The following TCF7 variants were observed in gnomAD, a reference collection of about 807,000 sequenced individuals.
The protein encoded by TCF7 is T-cell-factor-7.
A neutral mutation model predicts 46.8 loss-of-function variants in TCF7; 19 were observed. The ratio of observed to expected loss-of-function variants is 0.41; its 90% CI spans 0.28 to 0.60. The LOEUF (loss-of-function observed/expected upper bound fraction) is 0.60, where lower values mean the gene tolerates loss of function less well. Ranked by LOEUF, TCF7 falls within the 20% of genes least tolerant of loss-of-function variation. TCF7 has a pLI of 0.35. For synonymous variants in TCF7, 245 were observed against 213.4 expected, an observed-to-expected ratio of 1.15 and a Z score of -1.29; for missense variants, 547 against 504.6, an observed-to-expected ratio of 1.08 and a Z score of -0.81.
upstream of TCF7, among the ~76,000 whole-genome samples, chr5:134,112,554 A>T (rs1185025272): frequency 6.6e-6 from 1 of 152,176 alleles, no homozygotes; most frequent in Admixed American, 6.5e-5. Flanking sequence ...CTATGACCCC[A>T]TAGGACAGTT....
upstream of TCF7, among the ~76,000 whole-genome samples, chr5:134,112,439 T>C (rs1755340775): frequency 6.6e-6 from 1 of 152,200 alleles, no homozygotes; most frequent in African/African-American, 2.4e-5. Context: ...TGGCTGTGGA[T>C]GCCTGTGACT....
At chr5:134,144,978 C>A in intron 9 of TCF7, 2 of 955,884 alleles carry the variant, frequency 2.1e-6, no homozygotes, top group Admixed American at 2.0e-5. Context: ...AGCCCACTAG[C>A]ATACTCAGCA....
rs139886836 is a variant in TCF7 at position 134,129,852 on chromosome 5, G to A, written c.442-8207G>A. ...CAGGCGGTGGGTGGACTGGCCACAC[G>A]CACCTAGCAGAGCTCTGTGCAACTG... On this transcript the variant is annotated intron_variant, in intron 3 of 9. Coordinates refer to ENST00000342854, the MANE Select transcript of TCF7 (RefSeq NM_003202.5). Among the ~76,000 whole-genome samples, 272 of 152,336 alleles carry A rather than the reference G, an allele frequency of 1.8e-3. 1 individual carries two copies. The highest frequency in any genetic ancestry group is 6.3e-3 in the African/African-American group (261 of 41,582).
chr5:134,119,422 C>T (rs1271452622), intron 3 of TCF7, among the ~76,000 whole-genome samples: 1 of 152,206 alleles, frequency 6.6e-6, no homozygotes, highest in Non-Finnish European at 1.5e-5. Context: ...GTGGCAGCTG[C>T]ACAATCTTAT....
At position 134,114,811 on chromosome 5, in the gene TCF7, G is replaced by GGAGGTTCGGACTCC; in HGVS notation, c.-94_-81dup. 1.0e-6 allele frequency: 1 copy of GGAGGTTCGGACTCC among 974,748 alleles called. No individual in the cohort carries two copies. The highest frequency in any genetic ancestry group is 1.2e-6 in the Non-Finnish European group (1 of 822,464). 60.4% of individuals were successfully genotyped at this position (974,748 alleles called of 1,614,324 possible). ...GCTCCGCCCGCCGCGATCCGAGCTC[G>GGAGGTTCGGACTCC]GAGGTTCGGACTCCGGGCTCGCCGC... On this transcript the variant is annotated 5_prime_UTR_variant, in exon 1 of 10. Transcript: ENST00000342854.
At chr5:134,120,163 C>T (rs1256508374) in intron 3 of TCF7, among the ~76,000 whole-genome samples, 1 of 152,096 alleles carries the variant, frequency 6.6e-6, no homozygotes, top group African/African-American at 2.4e-5. Flanking sequence ...GAGGGACTGG[C>T]AGGCCCCAGG....
At position 134,115,011 on chromosome 5, in the gene TCF7, C is replaced by G. The variant is rs774162419; in HGVS notation, c.105C>G (p.Asp35Glu). ...AFQDEGEEQD[D>E]KSRDSAAGPE... ...AGGATGAAGGCGAGGAGCAGGACGACAAGAGCCGCGACAGCGCCGCCGGTC... is the reference window on the plus strand; with the variant it reads ...AGGATGAAGGCGAGGAGCAGGACGAGAAGAGCCGCGACAGCGCCGCCGGTC... Residue 35 changes from aspartate (D) to glutamate (E), a missense_variant, in exon 1 of 10, where the codon GAC becomes GAG. Around this residue, in one of 3 missense-constraint regions of TCF7, gnomAD observed 425 missense variants for 349.9 expected, o/e 1.21. Transcript: ENST00000342854. 3.2e-6 allele frequency: 4 copies of G among 1,255,854 alleles called. No homozygotes were observed. The South Asian group carries it at 6.0e-5, about 19-fold the overall frequency. 77.8% of individuals were successfully genotyped at this position (1,255,854 alleles called of 1,614,324 possible).
chr5:134,114,774 G>A lies in TCF7; in HGVS notation c.-133G>A, dbSNP rs1427150734. On this transcript the variant is annotated 5_prime_UTR_variant, in exon 1 of 10. Transcript: ENST00000342854. ...CCCGCGCCTGCAGCCCGCCCAGGCG[G>A]AGTCAGCCCGCGCTCCGCCCGCCGC... The A allele has an allele frequency of 1.1e-6, 1 of 881,648 alleles. No individual in the cohort carries two copies. The highest frequency in any genetic ancestry group is 1.4e-6 in the Non-Finnish European group (1 of 737,082). The allele number at this position is 881,648 out of a possible 1,614,324, so 54.6% of individuals were successfully genotyped here. A position where few individuals can be genotyped will look rare whatever the true frequency, so the allele number is the denominator to read the frequency against.
upstream of TCF7, among the ~76,000 whole-genome samples, chr5:134,110,884 C>T (rs756699): frequency 0.8 from 121,666 of 152,230 alleles, 48,967 homozygotes; most frequent in Non-Finnish European, 0.86. Flanking sequence ...ATTTTCAGCT[C>T]TAGCCATGAT....
chr5:134,133,199 A>G (rs1055925736), intron 3 of TCF7, among the ~76,000 whole-genome samples: 1 of 152,198 alleles, frequency 6.6e-6, no homozygotes, highest in Non-Finnish European at 1.5e-5. Context: ...TTGCTGATCA[A>G]GCAGTTTGGA....
chr5:134,123,629 C>T (rs746601964), intron 3 of TCF7: 1 of 453,466 alleles, frequency 2.2e-6, no homozygotes, highest in Non-Finnish European at 4.4e-6. Flanking sequence ...GACAGAGGCC[C>T]AGGGTCTACG....
intron 3 of TCF7, among the ~76,000 whole-genome samples, chr5:134,131,626 C>G (rs1281638335): frequency 6.6e-6 from 1 of 152,210 alleles, no homozygotes; most frequent in Non-Finnish European, 1.5e-5. Context: ...CACCGGGATT[C>G]TAGAGGCCTT....
intron 3 of TCF7, among the ~76,000 whole-genome samples, chr5:134,124,616 C>T (rs183493556): frequency 1.3e-5 from 2 of 152,328 alleles, no homozygotes. Flanking sequence ...AGCTAGAACT[C>T]CCTAGAGATC....
intron 3 of TCF7, among the ~76,000 whole-genome samples, chr5:134,118,766 TG>T: frequency 6.6e-6 from 1 of 152,102 alleles, no homozygotes; most frequent in East Asian, 1.9e-4. Flanking sequence ...AGGGTTTTTT[TG>T]TTTTGTTTTG....
chr5:134,113,542 C>T (rs1755400952), upstream of TCF7, among the ~76,000 whole-genome samples: 1 of 152,260 alleles, frequency 6.6e-6, no homozygotes, highest in Non-Finnish European at 1.5e-5. Flanking sequence ...CCCAAATACC[C>T]TCTATCCCAA....
chr5:134,127,947 C>A lies in TCF7; in HGVS notation c.442-10112C>A, dbSNP rs535331796. Among the ~76,000 whole-genome samples, 11 of 152,306 alleles carry A rather than the reference C, an allele frequency of 7.2e-5. No individual in the cohort carries two copies. In the South Asian group the frequency reaches 2.3e-3, roughly 32 times the overall value. ...TAAAAAAGGAATATTAAGAAAAAAA[C>A]CACAAATATTAGTTCATCTAATCCT... On this transcript the variant is annotated intron_variant, in intron 3 of 9. Coordinates refer to ENST00000342854, the MANE Select transcript of TCF7 (RefSeq NM_003202.5).
chr5:134,144,418 G>A, intron 9 of TCF7: 1 of 267,104 alleles, frequency 3.7e-6, no homozygotes, highest in Non-Finnish European at 7.3e-6. Flanking sequence ...TGGGTAGGGA[G>A]TTGGGGAGGA....
chr5:134,114,559 G>A (rs942899217), upstream of TCF7, among the ~76,000 whole-genome samples: 3 of 151,966 alleles, frequency 2.0e-5, no homozygotes, highest in Admixed American at 6.5e-5. Flanking sequence ...CTCCGGAAGA[G>A]CGAGCCCTTT....
At chr5:134,142,939 G>A in intron 7 of TCF7, 54 bp from the exon 8 acceptor site, 13 of 1,612,280 alleles carry the variant, frequency 8.1e-6, no homozygotes, top group Non-Finnish European at 9.3e-6. Flanking sequence ...CTTCAGCCTG[G>A]TGCAGCCTGC....
Sources: allele counts gnomAD v4.1 joint callset (sites outside exome capture counted in the v4.1 genomes callset), GRCh38; gene constraint gnomAD v4.1.1; regional missense constraint gnomAD v4.1.1; transcripts MANE v1.5; gene names NCBI Gene and HGNC (gene_info 2026-07-23, HGNC 2026-07-21).